Variants in OPCML observed in about 807,000 individuals in gnomAD.
OPCML encodes opioid-binding protein/cell adhesion molecule.
In OPCML, 13 loss-of-function variants were observed where a neutral mutation model predicts 37.8. The ratio of observed to expected loss-of-function variants is 0.34; its 90% CI spans 0.22 to 0.55. OPCML has a LOEUF of 0.55. Ranked by LOEUF, OPCML falls within the 20% of genes least tolerant of loss-of-function variation. The pLI, the probability that OPCML is intolerant of heterozygous loss-of-function variation, is 0.91. For missense variants in OPCML, 341 were observed against 435.6 expected, an observed-to-expected ratio of 0.78 and a Z score of 1.93; for synonymous variants, 176 against 168.8, an observed-to-expected ratio of 1.04 and a Z score of -0.33.
At chr11:133,082,246 C>A (rs1175399457) in intron 1 of OPCML, among the ~76,000 whole-genome samples, 2 of 151,772 alleles carry the variant, frequency 1.3e-5, no homozygotes, top group South Asian at 4.2e-4. Context: ...CTCCGGGAGC[C>A]CCTGGAAGCC....
At chr11:133,154,034 G>A (rs192468472) in intron 1 of OPCML, among the ~76,000 whole-genome samples, 2 of 151,874 alleles carry the variant, frequency 1.3e-5, no homozygotes. Flanking sequence ...GGCAGATCAG[G>A]GCCCAGCATT....
intron 2 of OPCML, among the ~76,000 whole-genome samples, chr11:132,715,278 T>C (rs1205130020): frequency 3.9e-5 from 6 of 152,238 alleles, no homozygotes; most frequent in Non-Finnish European, 7.3e-5. Context: ...ATCTACTATG[T>C]ACCAAGTGTC....
At chr11:133,094,610 A>G (rs928873406) in intron 1 of OPCML, among the ~76,000 whole-genome samples, 1 of 152,188 alleles carries the variant, frequency 6.6e-6, no homozygotes, top group African/African-American at 2.4e-5. Flanking sequence ...TGCAGCTTCT[A>G]TCATGATGCA....
At chr11:132,437,154 T>A in intron 5 of OPCML, 68 bp downstream of exon 5, 2 of 1,581,588 alleles carry the variant, frequency 1.3e-6, no homozygotes, top group Non-Finnish European at 1.7e-6. Context: ...GCACTGCCAT[T>A]ACCAGATTGT....
chr11:132,473,582 T>C (rs1370356679), intron 4 of OPCML, among the ~76,000 whole-genome samples: 1 of 152,138 alleles, frequency 6.6e-6, no homozygotes, highest in Non-Finnish European at 1.5e-5. Context: ...TCTCAGCACT[T>C]TGGGAGGCCG....
At chr11:132,601,165 C>G (rs1304677117) in intron 3 of OPCML, among the ~76,000 whole-genome samples, 1 of 152,070 alleles carries the variant, frequency 6.6e-6, no homozygotes, top group African/African-American at 2.4e-5. Context: ...ACCAACAACT[C>G]TCTGTAAACT....
chr11:133,057,748 C>T (rs907917700), intron 1 of OPCML, among the ~76,000 whole-genome samples: 7 of 152,184 alleles, frequency 4.6e-5, no homozygotes, highest in African/African-American at 1.7e-4. Context: ...CTTCATTGCA[C>T]ATCCTTCTGT....
At chr11:132,453,682 C>A (rs2136864902) in intron 4 of OPCML, among the ~76,000 whole-genome samples, 1 of 152,304 alleles carries the variant, frequency 6.6e-6, no homozygotes, top group African/African-American at 2.4e-5. Flanking sequence ...GAGGACAGAG[C>A]AGATACTATT....
intron 1 of OPCML, among the ~76,000 whole-genome samples, chr11:133,294,695 G>C (rs1190959638): frequency 6.6e-6 from 1 of 151,424 alleles, no homozygotes; most frequent in Non-Finnish European, 1.5e-5. Context: ...ACACAAACCA[G>C]GTGTGAGGTC....
intron 3 of OPCML, among the ~76,000 whole-genome samples, chr11:132,600,818 T>A (rs1340757312): frequency 6.6e-6 from 1 of 151,318 alleles, no homozygotes; most frequent in African/African-American, 2.4e-5. Flanking sequence ...ATAGTAAATA[T>A]CTGTTGATTC....
chr11:132,710,699 A>T (rs1944226275), intron 2 of OPCML, among the ~76,000 whole-genome samples: 1 of 151,902 alleles, frequency 6.6e-6, no homozygotes, highest in East Asian at 1.9e-4. Context: ...AAAAAAAAAA[A>T]AAAAAATTAG....
At chr11:133,324,352 A>C (rs1335265727) in intron 1 of OPCML, among the ~76,000 whole-genome samples, 1 of 152,078 alleles carries the variant, frequency 6.6e-6, no homozygotes, top group East Asian at 1.9e-4. Flanking sequence ...AGAAAAAAAA[A>C]TTTTCGGGAT....
chr11:132,973,159 T>G (rs533300881), intron 1 of OPCML, among the ~76,000 whole-genome samples: 33 of 152,320 alleles, frequency 2.2e-4, no homozygotes, highest in African/African-American at 7.7e-4. Context: ...CATCCTCAAT[T>G]TCTGGCTCCA....
chr11:132,959,394 G>C lies in OPCML; in HGVS notation c.62-16384C>G, dbSNP rs1451433963. ...AAGATGCTGTGAACATTGTTGAAAT[G>C]ACAACAAGGGAGTCAGAATATCCCA... On this transcript the variant is annotated intron_variant, in intron 1 of 7. Coordinates refer to ENST00000524381, the MANE Select transcript of OPCML (RefSeq NM_001012393.5). Among the ~76,000 whole-genome samples, 52 of 152,254 alleles carry C rather than the reference G, an allele frequency of 3.4e-4. 1 individual carries two copies. Among genetic ancestry groups the C allele is most frequent in the Non-Finnish European group, 2.1e-4 (14 of 68,044 alleles).
chr11:132,821,426 A>G (rs1233448817), intron 2 of OPCML, among the ~76,000 whole-genome samples: 2 of 152,202 alleles, frequency 1.3e-5, no homozygotes, highest in East Asian at 3.9e-4. Flanking sequence ...CTATTCTGAA[A>G]GACAACCAGC....
intron 4 of OPCML, among the ~76,000 whole-genome samples, chr11:132,459,953 G>A (rs528991901): frequency 9.9e-5 from 15 of 152,272 alleles, no homozygotes; most frequent in African/African-American, 3.6e-4. Context: ...GAAAAGATCT[G>A]CTAGATACTC....
chr11:133,435,246 C>T (rs76246580), intron 1 of OPCML, among the ~76,000 whole-genome samples: 1,552 of 152,182 alleles, frequency 0.01, 17 homozygotes, highest in Non-Finnish European at 0.017. Flanking sequence ...CAGGGTATAT[C>T]GCTTGCAAAT....
At chr11:133,233,606 C>T (rs1348657327) in intron 1 of OPCML, among the ~76,000 whole-genome samples, 2 of 152,296 alleles carry the variant, frequency 1.3e-5, no homozygotes, top group East Asian at 3.9e-4. Flanking sequence ...CTTTACTACT[C>T]CTTGTTCAAA....
chr11:133,201,242 G>T (rs1323877942), intron 1 of OPCML, among the ~76,000 whole-genome samples: 10 of 150,880 alleles, frequency 6.6e-5, no homozygotes, highest in Non-Finnish European at 1.5e-5. Flanking sequence ...ACACAATTTA[G>T]CCACGTAACA....
Sources: allele counts gnomAD v4.1 joint callset (sites outside exome capture counted in the v4.1 genomes callset), GRCh38; gene constraint gnomAD v4.1.1; transcripts MANE v1.5; gene names NCBI Gene and HGNC (gene_info 2026-07-23, HGNC 2026-07-21).